The following AMBRA1 variants were observed in gnomAD, a reference collection of about 807,000 sequenced individuals.
AMBRA1 encodes the protein autophagy and beclin 1 regulator 1, also known as activating molecule in BECN1-regulated autophagy protein 1.
In AMBRA1, 47 loss-of-function variants were observed where a neutral mutation model predicts 125.4. That is an observed-to-expected ratio of 0.37 (90% CI 0.30 to 0.48). The LOEUF is 0.48. AMBRA1 is among the 20% of genes least tolerant of loss of function. The probability of loss-of-function intolerance (pLI) is 0.99; values close to 1 mark genes in which losing one functional copy is unlikely to be tolerated. For synonymous variants in AMBRA1, 626 were observed against 655.5 expected (o/e 0.95, Z 0.69); for missense variants, 1,331 against 1,693.4 (o/e 0.79, Z 3.76).
chr11:46,497,134 A>G (rs1325999925), intron 9 of AMBRA1, among the ~76,000 whole-genome samples: 17 of 151,866 alleles, frequency 1.1e-4, no homozygotes, highest in Admixed American at 1.1e-3. Flanking sequence ...TAAATAAAAT[A>G]AAATAAAATA....
At chr11:46,590,254 C>T (rs1048611530) in intron 1 of AMBRA1, among the ~76,000 whole-genome samples, 3 of 151,570 alleles carry the variant, frequency 2.0e-5, no homozygotes, top group Non-Finnish European at 4.4e-5. Context: ...ACCTGTAGTC[C>T]ACTTGAACCC....
intron 14 of AMBRA1, among the ~76,000 whole-genome samples, chr11:46,432,807 A>G (rs1256178914): frequency 6.6e-6 from 1 of 152,222 alleles, no homozygotes; most frequent in Admixed American, 6.5e-5. Context: ...AACTGTTCAA[A>G]TGCTTGAATC....
intron 11 of AMBRA1, among the ~76,000 whole-genome samples, chr11:46,451,320 T>C (rs1461567111): frequency 6.6e-6 from 1 of 152,202 alleles, no homozygotes; most frequent in African/African-American, 2.4e-5. Flanking sequence ...GCTCCCAGAA[T>C]GTGTCTAGGG....
intron 7 of AMBRA1, among the ~76,000 whole-genome samples, chr11:46,516,176 T>C (rs1301548569): frequency 1.3e-5 from 2 of 152,112 alleles, no homozygotes; most frequent in African/African-American, 2.4e-5. Context: ...CCAGACAATA[T>C]AGTGGAACTG....
rs755923534 is a variant in AMBRA1, at chr11:46,545,742, T to C, written c.413A>G (p.Asn138Ser). 2.5e-6 allele frequency: 4 copies of C among 1,614,188 alleles called. No individual in the cohort carries two copies. Among genetic ancestry groups the C allele is most frequent in the Admixed American group, 3.3e-5 (2 of 60,022 alleles). ...GTGGAAAGCCAGGGAGGCAATGGCATTGTTGCTATCTGTGAACCAGCTTTC... is the reference window on the plus strand; with the variant it reads ...GTGGAAAGCCAGGGAGGCAATGGCACTGTTGCTATCTGTGAACCAGCTTTC... ...GSESWFTDSNNAIASLAFHPT... is the reference protein window; with the variant it reads ...GSESWFTDSNSAIASLAFHPT... The change falls in exon 5 of 18, where the codon AAT (asparagine) becomes AGT (serine). Residue 138 changes from asparagine (N) to serine (S), a missense_variant. Coordinates refer to ENST00000683756, the MANE Select transcript of AMBRA1 (RefSeq NM_001387011.1).
chr11:46,425,057 C>T (rs1232110314), intron 14 of AMBRA1, among the ~76,000 whole-genome samples: 1 of 151,984 alleles, frequency 6.6e-6, no homozygotes, highest in Non-Finnish European at 1.5e-5. Context: ...TTGCTTGAAC[C>T]CGGGCGGCAG....
In AMBRA1 at chr11:46,543,059, G is replaced by A. The variant is rs1952829958; in HGVS notation, c.958C>T (p.Pro320Ser). ...CTGTCCTGGTGTGGCAAGAGGGAAG[G>A]AACTCGAGTGCCAGAGCAGCGGCTG... ...LCSRCSGTRV[P>S]SLLPHQDSVP... The change falls in exon 7 of 18, where the codon CCT becomes TCT. Residue 320 changes from proline to serine, a missense_variant. By Grantham distance (74) the Pro-to-Ser change is moderately conservative. Around this residue, in one of 4 missense-constraint regions of AMBRA1, gnomAD observed 689 missense variants for 776.5 expected, o/e 0.89. Transcript: ENST00000683756. The A allele has an allele frequency of 6.3e-7, 1 of 1,598,330 alleles. No individual in the cohort carries two copies. The highest frequency in any genetic ancestry group is 1.3e-5 in the African/African-American group (1 of 74,858).
intron 1 of AMBRA1, among the ~76,000 whole-genome samples, chr11:46,549,553 C>T (rs2042926103): frequency 6.6e-6 from 1 of 152,086 alleles, no homozygotes; most frequent in Admixed American, 6.6e-5. Flanking sequence ...ATTCATTATG[C>T]AACTCCTAGG....
intron 1 of AMBRA1, among the ~76,000 whole-genome samples, chr11:46,554,877 C>A (rs1298809784): frequency 1.3e-5 from 2 of 152,124 alleles, no homozygotes; most frequent in African/African-American, 4.8e-5. Context: ...TCCCCAAAAT[C>A]AATTCTCAAT....
chr11:46,430,835 C>T (rs927151239), intron 14 of AMBRA1, among the ~76,000 whole-genome samples: 1 of 152,198 alleles, frequency 6.6e-6, no homozygotes, highest in Non-Finnish European at 1.5e-5. Flanking sequence ...CCCACTAAAG[C>T]ATTCCTTTAT....
At chr11:46,572,248 C>T (rs763833504) in intron 1 of AMBRA1, among the ~76,000 whole-genome samples, 4 of 151,918 alleles carry the variant, frequency 2.6e-5, no homozygotes, top group Admixed American at 6.6e-5. Context: ...TTGCAGGGAG[C>T]AGAGATCGTG....
intron 7 of AMBRA1, among the ~76,000 whole-genome samples, chr11:46,524,640 A>G (rs1204196627): frequency 1.3e-5 from 2 of 152,154 alleles, no homozygotes; most frequent in Admixed American, 1.3e-4. Flanking sequence ...TCACATGGTT[A>G]TTATGATTAA....
chr11:46,454,370 T>C (rs1219528342), intron 11 of AMBRA1, among the ~76,000 whole-genome samples: 1 of 150,976 alleles, frequency 6.6e-6, no homozygotes, highest in Non-Finnish European at 1.5e-5. Flanking sequence ...CATAAAAAAA[T>C]TTTCTCAAAA....
intron 1 of AMBRA1, among the ~76,000 whole-genome samples, chr11:46,551,618 C>T (rs2043000133): frequency 6.6e-6 from 1 of 152,226 alleles, no homozygotes; most frequent in African/African-American, 2.4e-5. Context: ...CGCCTGTAAT[C>T]CCAGAACTTT....
Position 46,542,655 on chromosome 11 carries a change from C to G in AMBRA1, c.1362G>C (p.Gln454His). The G allele has an allele frequency of 6.2e-7, 1 of 1,614,216 alleles. No individual in the cohort carries two copies. ...SVSLLSVLRQQEGGSQASVYT... is the reference protein window; with the variant it reads ...SVSLLSVLRQHEGGSQASVYT... The stretch of plus-strand genomic sequence containing the variant: ...ACACAGATGCCTGAGAGCCACCTTC[C>G]TGCTGTCTCAGCACAGACAGCAAAC... Residue 454 changes from glutamine to histidine, a missense_variant, in exon 7 of 18, where the codon CAG (glutamine) becomes CAC (histidine). By Grantham distance (24) the Gln-to-His change is conservative. This residue lies in a region of AMBRA1 where 689 missense variants were observed against 776.5 expected (regional missense o/e 0.89). Transcript: ENST00000683756. The surrounding 1 kb of genome is among the most constrained non-coding windows in gnomAD (Gnocchi z 5.9).
At chr11:46,407,199 G>A (rs918435428) in intron 17 of AMBRA1, among the ~76,000 whole-genome samples, 3 of 152,088 alleles carry the variant, frequency 2.0e-5, no homozygotes, top group Non-Finnish European at 4.4e-5. Flanking sequence ...GTGAGACTCT[G>A]TCTCAAAAAT....
At chr11:46,426,116 T>C (rs938290964) in intron 14 of AMBRA1, among the ~76,000 whole-genome samples, 2 of 151,472 alleles carry the variant, frequency 1.3e-5, no homozygotes, top group African/African-American at 4.9e-5. Context: ...ATGAGTAAGA[T>C]GCTCCCTATT....
At position 46,459,733 on chromosome 11, in the gene AMBRA1, T is replaced by TACACAC. The variant is rs1371062674; in HGVS notation, c.2522-16136_2522-16135insGTGTGT. ...CTCCCTCCCAAAAAGAAAAAAAAAA[T>TACACAC]ACACATACACACACACACACACACA... is the stretch of plus-strand genomic sequence containing the variant. On this transcript the variant is annotated intron_variant, in intron 11 of 17. Coordinates refer to ENST00000683756, the MANE Select transcript of AMBRA1 (RefSeq NM_001387011.1). Among the ~76,000 whole-genome samples, 345 of 115,484 alleles carry TACACAC rather than the reference T, an allele frequency of 3.0e-3. 2 individuals are homozygous for TACACAC. Among genetic ancestry groups the TACACAC allele is most frequent in the African/African-American group, 0.013 (331 of 25,094 alleles). The allele number at this position is 115,484 out of a possible 152,430, so 75.8% of individuals were successfully genotyped here.
intron 7 of AMBRA1, among the ~76,000 whole-genome samples, chr11:46,537,653 C>T (rs1952542294): frequency 6.6e-6 from 1 of 152,170 alleles, no homozygotes; most frequent in East Asian, 1.9e-4. Context: ...AGACAGTTTG[C>T]CCTCCACTGC....
Sources: allele counts gnomAD v4.1 joint callset (sites outside exome capture counted in the v4.1 genomes callset), GRCh38; gene constraint gnomAD v4.1.1; regional missense constraint gnomAD v4.1.1; non-coding constraint Gnocchi (gnomAD v3.1); transcripts MANE v1.5; gene names NCBI Gene and HGNC (gene_info 2026-07-23, HGNC 2026-07-21).